Variants in TAS2R1 observed in about 807,000 individuals in gnomAD.
TAS2R1 encodes the protein taste 2 receptor member 1, also known as taste receptor type 2 member 1.
For missense variants in TAS2R1, 370 were observed against 353.4 expected (o/e 1.05, Z -0.38); for synonymous variants, 141 against 134.2 (o/e 1.05, Z -0.35).
chr5:9,727,371 C>T, the TAS2R1 span, among the ~76,000 whole-genome samples: 1 of 152,170 alleles, frequency 6.6e-6, no homozygotes, highest in East Asian at 1.9e-4. Context: ...TCGGAGTTAA[C>T]TGACATGATG....
chr5:9,725,920 T>A, the TAS2R1 span, among the ~76,000 whole-genome samples: 1 of 149,324 alleles, frequency 6.7e-6, no homozygotes, highest in Non-Finnish European at 1.5e-5. Flanking sequence ...GCTATTCTGG[T>A]GGGGCCTTGG....
chr5:9,640,228 A>G (rs1174734931), intron 2 of TAS2R1, among the ~76,000 whole-genome samples: 1 of 152,070 alleles, frequency 6.6e-6, no homozygotes, highest in Non-Finnish European at 1.5e-5. Flanking sequence ...ACAGCCGGGT[A>G]GAGGGTCAGT....
the TAS2R1 span, among the ~76,000 whole-genome samples, chr5:9,865,492 G>T: frequency 2.0e-5 from 3 of 151,944 alleles, no homozygotes; most frequent in East Asian, 3.9e-4. Context: ...ATTTTCTGTT[G>T]GTCTTCCTTT....
chr5:9,777,641 C>G, the TAS2R1 span, among the ~76,000 whole-genome samples: 4 of 152,238 alleles, frequency 2.6e-5, no homozygotes, highest in Non-Finnish European at 5.9e-5. Flanking sequence ...TTAATGACAT[C>G]TAGATGGGTG....
the TAS2R1 span, among the ~76,000 whole-genome samples, chr5:9,855,359 C>T: frequency 6.6e-6 from 1 of 152,186 alleles, no homozygotes; most frequent in Non-Finnish European, 1.5e-5. Flanking sequence ...AAATTCAATA[C>T]ACCATCACAA....
chr5:9,669,498 A>G (rs1334777815), intron 1 of TAS2R1, among the ~76,000 whole-genome samples: 1 of 152,006 alleles, frequency 6.6e-6, no homozygotes, highest in Non-Finnish European at 1.5e-5. Flanking sequence ...TCTAAAATCA[A>G]CCACACAATG....
At chr5:9,830,536 AGAT>A in the TAS2R1 span, among the ~76,000 whole-genome samples, 188 of 152,268 alleles carry the variant, frequency 1.2e-3, 1 homozygote, top group Non-Finnish European at 2.3e-3. Flanking sequence ...GACAGAAAAA[AGAT>A]GATAGACATA....
chr5:9,790,080 T>G, the TAS2R1 span, among the ~76,000 whole-genome samples: 4 of 152,300 alleles, frequency 2.6e-5, no homozygotes, highest in South Asian at 8.3e-4. Flanking sequence ...GGATGTGAAG[T>G]ATGCTCCTCT....
At chr5:9,787,367 G>A in the TAS2R1 span, among the ~76,000 whole-genome samples, 3 of 151,938 alleles carry the variant, frequency 2.0e-5, no homozygotes, top group Non-Finnish European at 4.4e-5. Context: ...CATCTAATAT[G>A]GTGTTTAAAA....
intron 1 of TAS2R1, among the ~76,000 whole-genome samples, chr5:9,680,570 TG>T (rs1740973447): frequency 6.6e-6 from 1 of 152,156 alleles, no homozygotes; most frequent in South Asian, 2.1e-4. Flanking sequence ...TTTACTTCTG[TG>T]GTCACTCTTC....
At chr5:9,791,152 TTA>T in the TAS2R1 span, among the ~76,000 whole-genome samples, 3 of 152,070 alleles carry the variant, frequency 2.0e-5, no homozygotes, top group Non-Finnish European at 4.4e-5. Flanking sequence ...CTAAATGACA[TTA>T]GTCTTATAGC....
At chr5:9,785,114 C>T in the TAS2R1 span, among the ~76,000 whole-genome samples, 1 of 152,058 alleles carries the variant, frequency 6.6e-6, no homozygotes, top group African/African-American at 2.4e-5. Flanking sequence ...TCTTACATGC[C>T]CTTTTCACCA....
At chr5:9,736,950 A>G in the TAS2R1 span, among the ~76,000 whole-genome samples, 2 of 151,982 alleles carry the variant, frequency 1.3e-5, no homozygotes, top group Non-Finnish European at 2.9e-5. Context: ...AGTTCTCCCT[A>G]CCCTTATTCA....
chr5:9,707,575 C>A (rs1012216065), intron 1 of TAS2R1, among the ~76,000 whole-genome samples: 10 of 152,088 alleles, frequency 6.6e-5, no homozygotes, highest in Non-Finnish European at 1.2e-4. Context: ...CCCAGCTACT[C>A]GGTAGGGTGA....
At chr5:9,831,556 T>C in the TAS2R1 span, among the ~76,000 whole-genome samples, 1 of 152,012 alleles carries the variant, frequency 6.6e-6, no homozygotes, top group Non-Finnish European at 1.5e-5. Context: ...GGGGATGCAA[T>C]TACGTTTTTG....
chr5:9,836,433 G>T, the TAS2R1 span, among the ~76,000 whole-genome samples: 6 of 152,038 alleles, frequency 3.9e-5, no homozygotes, highest in Non-Finnish European at 8.8e-5. Flanking sequence ...TGTGCATTGT[G>T]GGGTGTTTAG....
the TAS2R1 span, chr5:9,760,988 A>G: frequency 6.6e-6 from 1 of 152,212 alleles, no homozygotes; most frequent in Non-Finnish European, 1.5e-5. Flanking sequence ...TAGTACTTGG[A>G]TGGGAGAAAA....
At chr5:9,784,407 G>C in the TAS2R1 span, among the ~76,000 whole-genome samples, 1 of 152,188 alleles carries the variant, frequency 6.6e-6, no homozygotes, top group Non-Finnish European at 1.5e-5. Context: ...CTGCTCATGT[G>C]TGCTATCCCC....
At chr5:9,778,769 G>A in the TAS2R1 span, among the ~76,000 whole-genome samples, 1 of 152,184 alleles carries the variant, frequency 6.6e-6, no homozygotes, top group Non-Finnish European at 1.5e-5. Context: ...GCCTTGCTCT[G>A]GATTAGGCTT....
Sources: gnomAD v4.1 joint callset for allele counts (sites outside exome capture counted in the v4.1 genomes callset) on GRCh38, gnomAD v4.1.1 for gene constraint, MANE v1.5 for transcripts, NCBI Gene and HGNC (gene_info 2026-07-23, HGNC 2026-07-21) for gene names.